DIP2A: variants seen among roughly 807,000 people sequenced by gnomAD.
The protein encoded by DIP2A is DIP2 acetate--CoA ligase A, also known as disco-interacting protein 2 homolog A.
Under a neutral mutation model 177.4 loss-of-function variants are expected in DIP2A, and 85 were observed. That is an observed-to-expected ratio of 0.48 (90% CI 0.40 to 0.57). The LOEUF is 0.57. Among genes scored for constraint, DIP2A ranks in the 20% least tolerant of loss-of-function variants. The pLI is 0.00. For missense variants in DIP2A, 1,791 were observed against 2,100.2 expected, an observed-to-expected ratio of 0.85 and a Z score of 2.88; for synonymous variants, 886 against 881.8, an observed-to-expected ratio of 1.00 and a Z score of -0.08.
chr21:46,508,970 G>A (rs2058167151), intron 6 of DIP2A, among the ~76,000 whole-genome samples: 1 of 152,156 alleles, frequency 6.6e-6, no homozygotes, highest in Non-Finnish European at 1.5e-5. Flanking sequence ...AGTGAGCTGA[G>A]ATCATGCCAC....
At chr21:46,524,872 C>CTTTTTTTTTTT (rs3061062) in intron 8 of DIP2A, among the ~76,000 whole-genome samples, 4 of 63,392 alleles carry the variant, frequency 6.3e-5, no homozygotes, top group African/African-American at 1.4e-4. Flanking sequence ...TTGCTTTTTG[C>CTTTTTTTTTTT]TTTTTTTTTT....
At chr21:46,583,358 C>A in the DIP2A span, among the ~76,000 whole-genome samples, 4 of 152,156 alleles carry the variant, frequency 2.6e-5, no homozygotes, top group South Asian at 8.3e-4. Context: ...AACAACTAGA[C>A]CTAACAAACA....
Position 46,557,741 on chromosome 21 carries a change from G to A in DIP2A, c.3786G>A (p.Thr1262=), listed in dbSNP as rs113139129. Residue 1262 remains threonine (T), a synonymous_variant, in exon 31 of 38, where the codon ACG becomes ACA. Coordinates refer to ENST00000417564, the MANE Select transcript of DIP2A (RefSeq NM_015151.4). This position sits in a 1 kb window ranked among gnomAD's most constrained non-coding sequence, Gnocchi z 6.0. ...EMCTKGLGAQ[T]GVLRMKGVNL... ...GCACCAAGGGCCTAGGCGCACAGAC[G>A]GGTGTCCTCAGGGTGAGTGCCCAGA... The A allele has an allele frequency of 6.2e-6, 10 of 1,609,410 alleles. No individual in the cohort carries two copies. Among genetic ancestry groups the A allele is most frequent in the South Asian group, 1.1e-5 (1 of 90,998 alleles).
intron 25 of DIP2A, chr21:46,553,378 A>G (rs1034782609): frequency 2.6e-5 from 4 of 152,328 alleles, no homozygotes; most frequent in Admixed American, 6.5e-5. Context: ...TGCACTTTTT[A>G]TCTTCTTAAG....
At position 46,549,263 on chromosome 21, in the gene DIP2A, T is replaced by G. The variant is rs115538492; in HGVS notation, c.2523-508T>G. Among the ~76,000 whole-genome samples the G allele has an allele frequency of 6.0e-3, 914 of 152,220 alleles. 8 individuals carry two copies. The highest frequency in any genetic ancestry group is 0.02 in the Middle Eastern group (6 of 294). On this transcript the variant is annotated intron_variant, in intron 21 of 37. Coordinates refer to ENST00000417564, the MANE Select transcript of DIP2A (RefSeq NM_015151.4). ...TGGTGGGGAGACCATCTTCTTACTT[T>G]ATGAAAGAAAAGACAAAGATATCAA... is the stretch of plus-strand genomic sequence containing the variant.
In DIP2A at chr21:46,560,795, A is replaced by G. The variant is rs760182872; in HGVS notation, c.4031+12A>G. The G allele has an allele frequency of 4.4e-6, 7 of 1,600,348 alleles. No homozygotes were observed. The highest frequency in any genetic ancestry group is 1.7e-5 in the Admixed American group (1 of 58,116). Reference sequence around the variant, plus strand: ...CTGCGCCATGACAGGTAATGCTCCCAGCCTGCCTGGGCCCCATGGATACCC... The same window carrying G: ...CTGCGCCATGACAGGTAATGCTCCCGGCCTGCCTGGGCCCCATGGATACCC... On this transcript the variant is annotated intron_variant, in intron 33 of 37. Transcript: ENST00000417564.
At chr21:46,551,587 T>C in intron 23 of DIP2A, 47 bp from the exon 24 acceptor site, 1 of 1,503,992 alleles carries the variant, frequency 6.6e-7, no homozygotes. Context: ...GTGATGTTTA[T>C]ATATGAGAAG....
intron 2 of DIP2A, among the ~76,000 whole-genome samples, chr21:46,489,242 C>A (rs1172481015): frequency 6.6e-6 from 1 of 152,250 alleles, no homozygotes; most frequent in Non-Finnish European, 1.5e-5. Context: ...AAAATGTACA[C>A]AGTACTTGAA....
At chr21:46,554,389 A>G (rs2060379822) in intron 26 of DIP2A, 97 bp downstream of exon 26, 2 of 1,564,712 alleles carry the variant, frequency 1.3e-6, no homozygotes, top group African/African-American at 1.4e-5. Flanking sequence ...GCATCTTCCA[A>G]AACTAAGCTC....
intron 8 of DIP2A, among the ~76,000 whole-genome samples, chr21:46,527,615 C>T (rs12483081): frequency 0.27 from 41,185 of 151,738 alleles, 5,984 homozygotes; most frequent in East Asian, 0.36. Flanking sequence ...CATGAGTCAC[C>T]GTGCCCAGTC....
chr21:46,537,492 T>C lies in DIP2A; in HGVS notation c.1754T>C (p.Met585Thr), dbSNP rs779644809. Residue 585 changes from methionine to threonine, a missense_variant, in exon 15 of 38, where the codon ATG (methionine) becomes ACG (threonine). By Grantham distance (81) the Met-to-Thr change is moderately conservative. Coordinates refer to ENST00000417564, the MANE Select transcript of DIP2A (RefSeq NM_015151.4). The surrounding 1 kb of genome is among the most constrained non-coding windows in gnomAD (Gnocchi z 4.1). Reference protein sequence around the residue: ...MHVVSVPYALMKANPLSWIQK... With the variant: ...MHVVSVPYALTKANPLSWIQK... ...GTGGTCAGCGTCCCCTACGCGCTGA[T>C]GAAGGCGAACCCACTCTCCTGGATC... is the stretch of plus-strand genomic sequence containing the variant. The C allele has an allele frequency of 9.3e-6, 15 of 1,614,086 alleles. No individual in the cohort carries two copies. Among genetic ancestry groups the C allele is most frequent in the Non-Finnish European group, 2.5e-6 (3 of 1,180,052 alleles).
intron 1 of DIP2A, among the ~76,000 whole-genome samples, chr21:46,465,428 G>A (rs1601315109): frequency 6.6e-6 from 1 of 151,924 alleles, no homozygotes; most frequent in East Asian, 1.9e-4. Context: ...AAAAAAATTA[G>A]CTGGTCATGG....
At chr21:46,491,539 A>G (rs536908984) in intron 3 of DIP2A, among the ~76,000 whole-genome samples, 2 of 152,376 alleles carry the variant, frequency 1.3e-5, no homozygotes, top group African/African-American at 2.4e-5. Context: ...CTCTGATTGT[A>G]TAAATAATAT....
intron 3 of DIP2A, among the ~76,000 whole-genome samples, chr21:46,495,312 A>G (rs1297712648): frequency 7.3e-6 from 1 of 137,730 alleles, no homozygotes; most frequent in Non-Finnish European, 1.5e-5. Context: ...CTTCTTTCCC[A>G]GGCTGGAGTG....
chr21:46,486,166 C>G (rs183108298), intron 2 of DIP2A, among the ~76,000 whole-genome samples: 1 of 151,116 alleles, frequency 6.6e-6, no homozygotes, highest in East Asian at 2.0e-4. Flanking sequence ...CGGACATGTT[C>G]TCTGACTGCA....
chr21:46,497,006 T>A lies in DIP2A; in HGVS notation c.302T>A (p.Val101Glu). The A allele has an allele frequency of 6.2e-7, 1 of 1,613,160 alleles. No individual in the cohort carries two copies. The highest frequency in any genetic ancestry group is 8.5e-7 in the Non-Finnish European group (1 of 1,179,606). ...RFRSDVHTEAVQAALAKYKER... is the reference protein window; with the variant it reads ...RFRSDVHTEAEQAALAKYKER... ...TGTGTAGATGTCCACACTGAAGCCG[T>A]GCAAGCAGCTTTGGCCAAATACAAA... is the stretch of plus-strand genomic sequence containing the variant. Residue 101 changes from valine to glutamate, a missense_variant, in exon 4 of 38, where the codon GTG becomes GAG. By Grantham distance (121) the Val-to-Glu change is moderately radical. Transcript: ENST00000417564.
At chr21:46,560,161 G>T (rs1413271870) in intron 32 of DIP2A, among the ~76,000 whole-genome samples, 1 of 152,222 alleles carries the variant, frequency 6.6e-6, no homozygotes, top group African/African-American at 2.4e-5. Flanking sequence ...ATCTTTAAGG[G>T]TGATGTTGAT....
chr21:46,578,622 G>T, the DIP2A span, among the ~76,000 whole-genome samples: 1 of 152,100 alleles, frequency 6.6e-6, no homozygotes, highest in Non-Finnish European at 1.5e-5. Flanking sequence ...TTATTTTGAG[G>T]CATATTCCTT....
At chr21:46,558,711 T>A in intron 32 of DIP2A, 1 of 340,832 alleles carries the variant, frequency 2.9e-6, no homozygotes, top group Non-Finnish European at 5.5e-6. Context: ...TTTTAAGATA[T>A]CTAGCAATAT....
Sources: gnomAD v4.1 joint callset for allele counts (sites outside exome capture counted in the v4.1 genomes callset) on GRCh38, gnomAD v4.1.1 for gene constraint, Gnocchi (gnomAD v3.1) non-coding constraint, MANE v1.5 for transcripts, NCBI Gene and HGNC (gene_info 2026-07-23, HGNC 2026-07-21) for gene names.